AHNAK: variants seen among roughly 807,000 people sequenced by gnomAD.
AHNAK encodes AHNAK nucleoprotein.
A neutral mutation model predicts 37.8 loss-of-function variants in AHNAK; 23 were observed. The observed-to-expected ratio is 0.61, with a 90% confidence interval of 0.44 to 0.86. The LOEUF (loss-of-function observed/expected upper bound fraction) is 0.86. AHNAK is among the 40% of genes least tolerant of loss of function. The pLI is 0.00. For missense variants in AHNAK, 7,411 were observed against 7,319.4 expected (o/e 1.01, Z -0.46); for synonymous variants, 2,481 against 2,636.3 (o/e 0.94, Z 1.80).
intron 4 of AHNAK, among the ~76,000 whole-genome samples, chr11:62,495,092 G>C (rs2134169334): frequency 6.6e-6 from 1 of 151,950 alleles, no homozygotes; most frequent in Admixed American, 6.6e-5. Context: ...CCTGATCTCA[G>C]GGAAGTCAAG....
In AHNAK at chr11:62,521,566, C is replaced by A. The variant is rs138243160; in HGVS notation, c.12851G>T (p.Gly4284Val). ...GTCAACTTCTGGGCCCTTGAGGTCA[C>A]CTTCCACTTTAGGAAGGGAAACATC... is the stretch of plus-strand genomic sequence containing the variant. ...DVDVSLPKVE[G>V]DLKGPEVDIK... The change falls in exon 5 of 5, where the codon GGT becomes GTT. Residue 4284 changes from glycine (G) to valine (V), a missense_variant. Gly to Val is a moderately radical substitution (Grantham distance 109). Coordinates refer to ENST00000378024, the MANE Select transcript of AHNAK (RefSeq NM_001620.3). 6.2e-4 allele frequency: 994 copies of A among 1,612,254 alleles called. 1 individual carries two copies. The highest frequency in any genetic ancestry group is 7.9e-4 in the Non-Finnish European group (933 of 1,179,580).
chr11:62,491,574 C>T (rs1473906350), intron 5 of AHNAK, among the ~76,000 whole-genome samples: 1 of 152,168 alleles, frequency 6.6e-6, no homozygotes, highest in Admixed American at 6.5e-5. Flanking sequence ...GTTTGAATTT[C>T]CAGGCCCAGG....
intron 4 of AHNAK, among the ~76,000 whole-genome samples, chr11:62,494,919 G>T (rs530932646): frequency 6.6e-6 from 1 of 151,528 alleles, no homozygotes; most frequent in Admixed American, 6.6e-5. Context: ...AGAATCGCTT[G>T]AACCCAGAAG....
intron 5 of AHNAK, among the ~76,000 whole-genome samples, chr11:62,450,691 T>C (rs1407702735): frequency 6.6e-6 from 1 of 152,124 alleles, no homozygotes; most frequent in Non-Finnish European, 1.5e-5. Context: ...TTGCCTGCAA[T>C]ACCCTCCTTG....
intron 1 of AHNAK, among the ~76,000 whole-genome samples, chr11:62,538,480 G>A (rs1941024070): frequency 6.6e-6 from 1 of 152,222 alleles, no homozygotes; most frequent in Non-Finnish European, 1.5e-5. Flanking sequence ...GAAATGGTGT[G>A]GGGGACACTA....
At chr11:62,515,677 C>T (rs1590643184), downstream of AHNAK, among the ~76,000 whole-genome samples, 1 of 152,200 alleles carries the variant, frequency 6.6e-6, no homozygotes, top group African/African-American at 2.4e-5. Flanking sequence ...GAGTGGGTCC[C>T]GAGGCCAAGC....
chr11:62,438,710 C>T (rs1214184871), intron 5 of AHNAK, among the ~76,000 whole-genome samples: 4 of 152,054 alleles, frequency 2.6e-5, no homozygotes, highest in Non-Finnish European at 5.9e-5. Flanking sequence ...GTGCTGTTTG[C>T]ATTCTGTTTT....
intron 5 of AHNAK, among the ~76,000 whole-genome samples, chr11:62,468,172 A>G (rs574270096): frequency 1.1e-4 from 17 of 151,940 alleles, no homozygotes; most frequent in Non-Finnish European, 2.2e-4. Flanking sequence ...ACATGGCAAG[A>G]CTCCGTCTCT....
chr11:62,544,909 A>G (rs1941257945), intron 1 of AHNAK, among the ~76,000 whole-genome samples: 1 of 152,064 alleles, frequency 6.6e-6, no homozygotes, highest in South Asian at 2.1e-4. Context: ...AATCAACCCA[A>G]CACCTACCAT....
chr11:62,484,547 T>C (rs189092378), intron 5 of AHNAK, among the ~76,000 whole-genome samples: 23 of 152,092 alleles, frequency 1.5e-4, no homozygotes, highest in African/African-American at 5.1e-4. Context: ...TCACAGCAAA[T>C]ACAAAAACCC....
chr11:62,498,140 AAC>A (rs1418261214), intron 4 of AHNAK, among the ~76,000 whole-genome samples: 2 of 152,168 alleles, frequency 1.3e-5, no homozygotes, highest in African/African-American at 4.8e-5. Flanking sequence ...GAAACTGCAA[AAC>A]AGCACAGTCC....
intron 5 of AHNAK, among the ~76,000 whole-genome samples, chr11:62,486,621 T>C (rs653309): frequency 0.7 from 105,794 of 151,530 alleles, 42,728 homozygotes; most frequent in Non-Finnish European, 0.9. Context: ...AGCGTTTCAA[T>C]TGGGGAAGAT....
Position 62,520,485 on chromosome 11 carries a change from T to G in AHNAK, c.13932A>C (p.Gln4644His). ...VDIDVPDVDV[Q>H]GPDWHLKMPK... ...GCATTTTTAGGTGCCAGTCTGGGCCTTGAACGTCCACATCTGGGACATCAA... is the reference window on the plus strand; with the variant it reads ...GCATTTTTAGGTGCCAGTCTGGGCCGTGAACGTCCACATCTGGGACATCAA... The change falls in exon 5 of 5, where the codon CAA becomes CAC. Residue 4644 changes from glutamine (Q) to histidine (H), a missense_variant. By Grantham distance (24) the Gln-to-His change is conservative (BLOSUM62 0). Transcript: ENST00000378024. 2 of 1,613,700 alleles carry G rather than the reference T, an allele frequency of 1.2e-6. No individual in the cohort carries two copies. The highest frequency in any genetic ancestry group is 1.7e-6 in the Non-Finnish European group (2 of 1,179,930).
rs1217280149 is a variant in AHNAK, at chr11:62,518,028, C to G, written c.16389G>C (p.Gly5463=). The G allele has an allele frequency of 6.2e-7, 1 of 1,614,202 alleles. No homozygotes were observed. Among genetic ancestry groups the G allele is most frequent in the Admixed American group, 1.7e-5 (1 of 60,032 alleles). The change falls in exon 5 of 5, where the codon GGG becomes GGC. Residue 5463 remains glycine, a synonymous_variant. Transcript: ENST00000378024. Reference sequence around the variant, plus strand: ...TGATCTCACCAGTGGCCCCAAGGCTCCCTTTCACTTTTGGTCCTTCCAAGT... The same window carrying G: ...TGATCTCACCAGTGGCCCCAAGGCTGCCTTTCACTTTTGGTCCTTCCAAGT... The part of the protein sequence containing the change: ...DFNLEGPKVK[G]SLGATGEIKG...
At chr11:62,507,773 T>A (rs1052275862) in intron 4 of AHNAK, among the ~76,000 whole-genome samples, 1 of 151,700 alleles carries the variant, frequency 6.6e-6, no homozygotes, top group Non-Finnish European at 1.5e-5. Context: ...AGAGACTCCG[T>A]CTCAAAAAAA....
chr11:62,455,035 C>T (rs1340710200), intron 5 of AHNAK, among the ~76,000 whole-genome samples: 4 of 151,170 alleles, frequency 2.6e-5, no homozygotes, highest in Admixed American at 1.3e-4. Context: ...TGGGTTCAAG[C>T]GATTCTCCTG....
In AHNAK at chr11:62,523,925, G is replaced by A. The variant is rs1940370890; in HGVS notation, c.10492C>T (p.Leu3498=). 6.2e-7 allele frequency: 1 copy of A among 1,614,018 alleles called. No homozygotes were observed. The highest frequency in any genetic ancestry group is 8.5e-7 in the Non-Finnish European group (1 of 1,180,020). ...TCTATGTTGATGTCTCCTTTTGGTA[G>A]ATCCACAGCTACATCTGGCCCTTCT... is the stretch of plus-strand genomic sequence containing the variant. ...KAEGPDVAVD[L]PKGDINIEGP... is the part of the protein sequence containing the mutation. Residue 3498 remains leucine (L), a synonymous_variant, in exon 5 of 5, where the codon CTA becomes TTA. Transcript: ENST00000378024.
intron 5 of AHNAK, among the ~76,000 whole-genome samples, chr11:62,442,799 C>G (rs1938336404): frequency 6.9e-6 from 1 of 145,578 alleles, no homozygotes; most frequent in Admixed American, 6.9e-5. Context: ...ACCCAGGAGG[C>G]AGAGGTTGCA....
chr11:62,498,398 C>T (rs1939652053), intron 4 of AHNAK, among the ~76,000 whole-genome samples: 1 of 147,446 alleles, frequency 6.8e-6, no homozygotes, highest in Non-Finnish European at 1.5e-5. Flanking sequence ...ACTAAGATTA[C>T]ACTAAATGTA....
Sources: gnomAD v4.1 joint callset for allele counts (sites outside exome capture counted in the v4.1 genomes callset) on GRCh38, gnomAD v4.1.1 for gene constraint, MANE v1.5 for transcripts, NCBI Gene and HGNC (gene_info 2026-07-23, HGNC 2026-07-21) for gene names.